CMC2: variants seen among roughly 807,000 people sequenced by gnomAD.
CMC2 encodes COX assembly mitochondrial protein 2 homolog.
In CMC2, 5 loss-of-function variants were observed where a neutral mutation model predicts 7.5. That is an observed-to-expected ratio of 0.66 (90% CI 0.35 to 1.40). CMC2 has a LOEUF of 1.40. Ranked by LOEUF, CMC2 falls within the 40% of genes most tolerant of loss-of-function variation. The pLI, the probability that CMC2 is intolerant of heterozygous loss-of-function variation, is 0.04. For missense variants in CMC2, 115 were observed against 92.3 expected, an observed-to-expected ratio of 1.25 and a Z score of -1.01; for synonymous variants, 37 against 31.4, an observed-to-expected ratio of 1.18 and a Z score of -0.60.
intron 2 of CMC2, among the ~76,000 whole-genome samples, chr16:80,994,039 C>A (rs1190353265): frequency 6.6e-6 from 1 of 152,074 alleles, no homozygotes; most frequent in Non-Finnish European, 1.5e-5. Flanking sequence ...CAGAAATAGA[C>A]CCACTCACAT....
intron 2 of CMC2, among the ~76,000 whole-genome samples, chr16:80,992,195 T>C (rs1968054232): frequency 6.6e-6 from 1 of 152,170 alleles, no homozygotes; most frequent in Admixed American, 6.6e-5. Context: ...TATTTAAAAA[T>C]AAAAATTACA....
Position 80,971,334 on chromosome 16 carries a change from T to A in CMC2, c.*4759A>T, listed in dbSNP as rs1429505376. 1.3e-5 allele frequency: 2 copies of A among 151,824 alleles called. No homozygotes were observed. Among genetic ancestry groups the A allele is most frequent in the African/African-American group, 4.8e-5 (2 of 41,238 alleles). 9.4% of individuals were successfully genotyped at this position (151,824 alleles called of 1,614,324 possible). ...GAAGTTTACAATAGCAAAGACTGGA[T>A]ATCTAAGTGACCATCTACGGGGAAA... On this transcript the variant is annotated 3_prime_UTR_variant, in exon 4 of 4. Coordinates refer to ENST00000219400, the MANE Select transcript of CMC2 (RefSeq NM_020188.5).
At position 80,966,967 on chromosome 16, in the gene CMC2, T is replaced by C. The variant is rs1226122085; in HGVS notation, c.*9126A>G. ...TTAATTACATCCAACAATGTACCTA[T>C]CAAGTGATCTACAGAAAAAGAAAAT... On this transcript the variant is annotated 3_prime_UTR_variant, in exon 4 of 4. Coordinates refer to ENST00000219400, the MANE Select transcript of CMC2 (RefSeq NM_020188.5). 1 of 152,244 alleles carries C rather than the reference T, an allele frequency of 6.6e-6. No individual in the cohort carries two copies. The highest frequency in any genetic ancestry group is 1.5e-5 in the Non-Finnish European group (1 of 68,042). The allele number at this position is 152,244 out of a possible 1,614,324, so 9.4% of individuals were successfully genotyped here.
intron 1 of CMC2, among the ~76,000 whole-genome samples, chr16:81,004,041 G>C (rs568767646): frequency 6.6e-6 from 1 of 152,148 alleles, no homozygotes; most frequent in Non-Finnish European, 1.5e-5. Context: ...TAGCCAACAT[G>C]GTGAAACCCA....
In CMC2 at chr16:80,968,894, C is replaced by A. The variant is rs578146168; in HGVS notation, c.*7199G>T. ...ACACAATGGAAAAAGATGGAAGATA[C>A]TGAGTCTCTACGAGGAATGGTGTGA... On this transcript the variant is annotated 3_prime_UTR_variant, in exon 4 of 4. Coordinates refer to ENST00000219400, the MANE Select transcript of CMC2 (RefSeq NM_020188.5). 2 of 152,206 alleles carry A rather than the reference C, an allele frequency of 1.3e-5. No homozygotes were observed. The highest frequency in any genetic ancestry group is 2.9e-5 in the Non-Finnish European group (2 of 68,052). 9.4% of individuals were successfully genotyped at this position (152,206 alleles called of 1,614,324 possible).
At chr16:80,984,971 G>C (rs1183127470) in intron 2 of CMC2, among the ~76,000 whole-genome samples, 3 of 152,188 alleles carry the variant, frequency 2.0e-5, no homozygotes, top group African/African-American at 7.2e-5. Context: ...AGTGCCTGGT[G>C]TCAATTTCTT....
intron 1 of CMC2, chr16:80,998,088 T>G (rs1372851076): frequency 6.7e-6 from 1 of 148,808 alleles, no homozygotes. Flanking sequence ...AGGAAAAACA[T>G]CATGGGCAGC....
Position 80,971,253 on chromosome 16 carries a change from T to G in CMC2, c.*4840A>C, listed in dbSNP as rs1262775371. On this transcript the variant is annotated 3_prime_UTR_variant, in exon 4 of 4. Transcript: ENST00000219400. Reference sequence around the variant, plus strand: ...CAGCCCAATAATTAAAATCCTAGGTTTATACCTAAAAACACTCTCCCAGAT... The same window carrying G: ...CAGCCCAATAATTAAAATCCTAGGTGTATACCTAAAAACACTCTCCCAGAT... The G allele has an allele frequency of 6.6e-6, 1 of 152,068 alleles. No homozygotes were observed. The highest frequency in any genetic ancestry group is 1.5e-5 in the Non-Finnish European group (1 of 68,008). The allele number at this position is 152,068 out of a possible 1,614,324, so 9.4% of individuals were successfully genotyped here. A position where few individuals can be genotyped will look rare whatever the true frequency, so the allele number is the denominator to read the frequency against.
chr16:80,984,834 A>C (rs1186047295), intron 2 of CMC2, among the ~76,000 whole-genome samples: 1 of 152,220 alleles, frequency 6.6e-6, no homozygotes, highest in African/African-American at 2.4e-5. Flanking sequence ...ATATTAACTA[A>C]GGTAAAATGA....
At chr16:80,991,852 T>C (rs901809312) in intron 2 of CMC2, 2 of 439,274 alleles carry the variant, frequency 4.6e-6, no homozygotes, top group Middle Eastern at 3.4e-4. Context: ...ACCTGGCCAT[T>C]ATGCCTCAAA....
chr16:80,997,162 A>G, intron 2 of CMC2, 152 bp downstream of exon 2: 1 of 615,324 alleles, frequency 1.6e-6, no homozygotes, highest in Non-Finnish European at 2.9e-6. Flanking sequence ...AAAAAAGAAA[A>G]AAATCGCACA....
At position 80,967,239 on chromosome 16, in the gene CMC2, CTAAAA is replaced by C. The variant is rs1386624338; in HGVS notation, c.*8849_*8853del. 3 of 152,224 alleles carry C rather than the reference CTAAAA, an allele frequency of 2.0e-5. No homozygotes were observed. Among genetic ancestry groups the C allele is most frequent in the African/African-American group, 7.2e-5 (3 of 41,458 alleles). The allele number at this position is 152,224 out of a possible 1,614,324, so 9.4% of individuals were successfully genotyped here. On this transcript the variant is annotated 3_prime_UTR_variant, in exon 4 of 4. Transcript: ENST00000219400. The stretch of plus-strand genomic sequence containing the variant: ...GCTCATAAATTATCTGCTAGCTTAA[CTAAAA>C]TTTTAGCAGATAAAGCCATCACAGC...
chr16:80,989,391 A>G (rs915558499), intron 2 of CMC2, among the ~76,000 whole-genome samples: 3 of 152,070 alleles, frequency 2.0e-5, no homozygotes, highest in African/African-American at 7.2e-5. Context: ...TATTCAATTG[A>G]TTATATTATT....
At chr16:81,004,786 C>G (rs1047798852) in intron 1 of CMC2, among the ~76,000 whole-genome samples, 2 of 152,202 alleles carry the variant, frequency 1.3e-5, no homozygotes, top group Non-Finnish European at 2.9e-5. Flanking sequence ...GTACAATTTT[C>G]CTCAAGAGTA....
At chr16:80,980,320 G>A (rs2151618765) in intron 3 of CMC2, among the ~76,000 whole-genome samples, 1 of 96,712 alleles carries the variant, frequency 1.0e-5, no homozygotes, top group African/African-American at 4.2e-5. Context: ...TAATAAGGCT[G>A]GGAATGGTGA....
intron 2 of CMC2, chr16:80,983,987 A>G (rs541349983): frequency 1.3e-5 from 2 of 149,192 alleles, no homozygotes; most frequent in East Asian, 2.0e-4. Flanking sequence ...ATCTCAAAAA[A>G]AAAAAGAAAA....
At chr16:81,002,895 C>G (rs1357923310) in intron 1 of CMC2, among the ~76,000 whole-genome samples, 3 of 152,174 alleles carry the variant, frequency 2.0e-5, no homozygotes, top group Non-Finnish European at 4.4e-5. Flanking sequence ...ATTTCCTTTT[C>G]CTATTCTTGG....
At position 80,971,581 on chromosome 16, in the gene CMC2, T is replaced by G. The variant is rs1033974769; in HGVS notation, c.*4512A>C. Reference sequence around the variant, plus strand: ...CATACATTTTATATATATATATATATATATGTATGAAATCATGCATATATA... The same window carrying G: ...CATACATTTTATATATATATATATAGATATGTATGAAATCATGCATATATA... On this transcript the variant is annotated 3_prime_UTR_variant, in exon 4 of 4. Coordinates refer to ENST00000219400, the MANE Select transcript of CMC2 (RefSeq NM_020188.5). 7.1e-6 allele frequency: 1 copy of G among 140,816 alleles called. No individual in the cohort carries two copies. Among genetic ancestry groups the G allele is most frequent in the Non-Finnish European group, 1.5e-5 (1 of 66,698 alleles). The allele number at this position is 140,816 out of a possible 1,614,324, so 8.7% of individuals were successfully genotyped here.
At chr16:81,006,642 G>A in intron 1 of CMC2, 92 bp downstream of exon 1, 3 of 924,052 alleles carry the variant, frequency 3.2e-6, no homozygotes, top group South Asian at 9.9e-5. Context: ...GGGCCGACGG[G>A]CGGCAGGAAG....
Sources: gnomAD v4.1 joint callset for allele counts (sites outside exome capture counted in the v4.1 genomes callset) on GRCh38, gnomAD v4.1.1 for gene constraint, MANE v1.5 for transcripts, NCBI Gene and HGNC (gene_info 2026-07-23, HGNC 2026-07-21) for gene names.